SEPSECS: variants seen among roughly 807,000 people sequenced by gnomAD.
SEPSECS encodes O-phosphoseryl-tRNA(Sec) selenium transferase.
A neutral mutation model predicts 52.1 loss-of-function variants in SEPSECS; 42 were observed. The observed-to-expected ratio is 0.81, with a 90% CI of 0.63 to 1.04. The LOEUF (loss-of-function observed/expected upper bound fraction) is 1.04, where lower values mean the gene tolerates loss of function less well. Ranked by LOEUF, SEPSECS falls within the 50% of genes least tolerant of loss-of-function variation. SEPSECS has a pLI of 0.00. For synonymous variants in SEPSECS, 216 were observed against 211.4 expected (o/e 1.02, Z -0.19); for missense variants, 590 against 610.6 (o/e 0.97, Z 0.36).
intron 6 of SEPSECS, among the ~76,000 whole-genome samples, chr4:25,147,838 C>T (rs1712054382): frequency 6.6e-6 from 1 of 151,846 alleles, no homozygotes. Context: ...TTGATTATTG[C>T]AATATTATTT....
chr4:25,145,229 T>C (rs535319108), intron 6 of SEPSECS, 96 bp from the exon 7 acceptor site: 5 of 1,253,108 alleles, frequency 4.0e-6, no homozygotes, highest in South Asian at 1.3e-5. Flanking sequence ...ACTATTTGAG[T>C]TAATTAATAT....
Position 25,124,081 on chromosome 4 carries a change from C to A in SEPSECS, c.1356G>T (p.Lys452Asn). ...CTGCCTTTAAACACCTGTCAAGTCT[C>A]TTTATGAACAGGTCCACATCCTGCA... ...MKMQDVDLFI[K>N]RLDRCLKAVR... Residue 452 changes from lysine to asparagine, a missense_variant, in exon 11 of 11, where the codon AAG becomes AAT. Physicochemically the swap from Lys to Asn is moderately conservative, Grantham distance 94. Transcript: ENST00000382103. The A allele has an allele frequency of 6.2e-7, 1 of 1,613,678 alleles. No individual in the cohort carries two copies. Among genetic ancestry groups the A allele is most frequent in the South Asian group, 1.1e-5 (1 of 91,072 alleles).
intron 8 of SEPSECS, among the ~76,000 whole-genome samples, chr4:25,141,469 C>G (rs533972852): frequency 1.3e-5 from 2 of 152,164 alleles, no homozygotes; most frequent in Admixed American, 6.5e-5. Context: ...AGTCTTCCCC[C>G]AAAACCTACA....
intron 3 of SEPSECS, 95 bp downstream of exon 3, chr4:25,156,761 C>A (rs1484645490): frequency 8.1e-5 from 38 of 467,476 alleles, no homozygotes; most frequent in East Asian, 1.8e-4. Flanking sequence ...GCCACTCATA[C>A]TCTTTTTGGA....
At chr4:25,136,422 G>C (rs1438827694) in intron 8 of SEPSECS, among the ~76,000 whole-genome samples, 2 of 151,938 alleles carry the variant, frequency 1.3e-5, no homozygotes, top group Non-Finnish European at 2.9e-5. Flanking sequence ...CAAGCAGAGA[G>C]CCAAATCATT....
intron 6 of SEPSECS, among the ~76,000 whole-genome samples, chr4:25,147,213 A>T (rs1373634277): frequency 6.6e-6 from 1 of 152,210 alleles, no homozygotes; most frequent in East Asian, 1.9e-4. Context: ...AGTGCTTCCT[A>T]GATCACTCCA....
At chr4:25,155,268 T>A in intron 4 of SEPSECS, 117 bp from the exon 5 acceptor site, 5 of 1,138,468 alleles carry the variant, frequency 4.4e-6, no homozygotes, top group Non-Finnish European at 6.4e-6. Context: ...TTTGGTAGAT[T>A]AACCTTCCTC....
At chr4:25,128,786 G>A (rs1728495242) in intron 8 of SEPSECS, among the ~76,000 whole-genome samples, 1 of 151,762 alleles carries the variant, frequency 6.6e-6, no homozygotes, top group Admixed American at 6.6e-5. Flanking sequence ...AACAGCCAGG[G>A]GCTAACAGAG....
chr4:25,155,001 T>TC lies in SEPSECS; in HGVS notation c.697dup (p.Asp233GlyfsTer2), dbSNP rs1474025232. Reference sequence around the variant, plus strand: ...ACAATATTCACAAATCATTTACCTATCAGGCACCCTTGGAGCAAAACAGGA... The same window carrying TC: ...ACAATATTCACAAATCATTTACCTATCCAGGCACCCTTGGAGCAAAACAGGA... On this transcript the variant is annotated frameshift_variant, in exon 5 of 11. Transcript: ENST00000382103. LOFTEE classifies it high-confidence loss of function. The TC allele has an allele frequency of 6.2e-7, 1 of 1,614,050 alleles. No individual in the cohort carries two copies. The highest frequency in any genetic ancestry group is 1.1e-5 in the South Asian group (1 of 91,074).
chr4:25,124,051 T>C lies in SEPSECS; in HGVS notation c.1386A>G (p.Arg462=). 1 of 1,613,892 alleles carries C rather than the reference T, an allele frequency of 6.2e-7. No homozygotes were observed. The highest frequency in any genetic ancestry group is 1.1e-5 in the South Asian group (1 of 91,078). ...KRLDRCLKAV[R]KERSKESDDN... ...CATCACTCTCTTTACTTCGTTCTTTTCTTACTGCCTTTAAACACCTGTCAA... is the reference window on the plus strand; with the variant it reads ...CATCACTCTCTTTACTTCGTTCTTTCCTTACTGCCTTTAAACACCTGTCAA... Residue 462 remains arginine (R), a synonymous_variant, in exon 11 of 11, where the codon AGA becomes AGG. Transcript: ENST00000382103.
chr4:25,139,647 G>A (rs1034294414), intron 8 of SEPSECS, among the ~76,000 whole-genome samples: 2 of 152,248 alleles, frequency 1.3e-5, no homozygotes, highest in African/African-American at 2.4e-5. Context: ...GCCTCTGAAA[G>A]TTGTGTCTTT....
chr4:25,149,718 G>A (rs1304415658), intron 6 of SEPSECS, among the ~76,000 whole-genome samples: 1 of 152,078 alleles, frequency 6.6e-6, no homozygotes, highest in Non-Finnish European at 1.5e-5. Flanking sequence ...AGAGGGAAAG[G>A]GAAAGGAGGA....
chr4:25,159,123 A>G lies in SEPSECS; in HGVS notation c.115-16T>C. The stretch of plus-strand genomic sequence containing the variant: ...GACACTTGCCCTTAAAAAAAAAAAA[A>G]AACTTATGATTATATTTAATAAAAC... On this transcript the variant is annotated splice_polypyrimidine_tract_variant and intron_variant, in intron 1 of 10. Transcript: ENST00000382103. 1 of 1,559,262 alleles carries G rather than the reference A, an allele frequency of 6.4e-7. No individual in the cohort carries two copies. Among genetic ancestry groups the G allele is most frequent in the Non-Finnish European group, 8.6e-7 (1 of 1,156,602 alleles).
rs1577629264 is a variant in SEPSECS, at chr4:25,155,105, C to T, written c.594G>A (p.Leu198=). The T allele has an allele frequency of 1.9e-6, 3 of 1,614,146 alleles. No homozygotes were observed. The highest frequency in any genetic ancestry group is 2.5e-6 in the Non-Finnish European group (3 of 1,180,016). The change falls in exon 5 of 11, where the codon CTG becomes CTA. Residue 198 remains leucine, a synonymous_variant. Transcript: ENST00000382103. The part of the protein sequence containing the change: ...VIENVLEGDE[L]RTDLKAVEAK... ...CCTCCACTGCTTTCAGGTCTGTACG[C>T]AGCTCGTCACCTTCCAAAACATTTT...
At chr4:25,133,010 T>C (rs1728673111) in intron 8 of SEPSECS, among the ~76,000 whole-genome samples, 1 of 152,162 alleles carries the variant, frequency 6.6e-6, no homozygotes, top group African/African-American at 2.4e-5. Flanking sequence ...TCCTACCTCA[T>C]ACACTTGCTC....
chr4:25,125,859 T>C, intron 9 of SEPSECS, 75 bp from the exon 10 acceptor site: 1 of 864,444 alleles, frequency 1.2e-6, no homozygotes, highest in Non-Finnish European at 1.9e-6. Context: ...ACAATAATAA[T>C]GATGAAGGCA....
intron 8 of SEPSECS, among the ~76,000 whole-genome samples, chr4:25,144,332 A>C (rs1429710166): frequency 6.6e-6 from 1 of 151,196 alleles, no homozygotes; most frequent in Non-Finnish European, 1.5e-5. Context: ...CGCTCAAAAA[A>C]AAAAAAAAAA....
chr4:25,151,980 A>T lies in SEPSECS; in HGVS notation c.784T>A (p.Cys262Ser), dbSNP rs781193506. ...CTTACCTGCTGAATGAGATGCATAC[A>T]CTTTGAAGACTGCACTCCATAAGCA... Reference protein sequence around the residue: ...NNAYGVQSSKCMHLIQQGARV... With the variant: ...NNAYGVQSSKSMHLIQQGARV... Residue 262 changes from cysteine to serine, a missense_variant, in exon 6 of 11, where the codon TGT becomes AGT. Coordinates refer to ENST00000382103, the MANE Select transcript of SEPSECS (RefSeq NM_016955.4). 1 of 1,582,628 alleles carries T rather than the reference A, an allele frequency of 6.3e-7. No individual in the cohort carries two copies. Among genetic ancestry groups the T allele is most frequent in the Non-Finnish European group, 8.7e-7 (1 of 1,151,530 alleles).
chr4:25,132,970 C>A (rs1336707083), intron 8 of SEPSECS, among the ~76,000 whole-genome samples: 2 of 152,088 alleles, frequency 1.3e-5, no homozygotes, highest in Non-Finnish European at 2.9e-5. Context: ...CTCCTCTGGG[C>A]CTCAATTTTA....
Sources: allele counts gnomAD v4.1 joint callset (sites outside exome capture counted in the v4.1 genomes callset), GRCh38; gene constraint gnomAD v4.1.1; transcripts MANE v1.5; gene names NCBI Gene and HGNC (gene_info 2026-07-23, HGNC 2026-07-21).